TBC1D9B: variants seen among roughly 807,000 people sequenced by gnomAD.
TBC1D9B encodes TBC1 domain family, member 9B (with GRAM domain).
A neutral mutation model predicts 121.1 loss-of-function variants in TBC1D9B; 87 were observed. The ratio of observed to expected loss-of-function variants is 0.72; its 90% confidence interval spans 0.60 to 0.86. The LOEUF (loss-of-function observed/expected upper bound fraction) is 0.86, where lower values mean the gene tolerates loss of function less well. TBC1D9B is among the 40% of genes least tolerant of loss of function. TBC1D9B has a pLI of 0.00. For missense variants in TBC1D9B, 1,540 were observed against 1,628.6 expected (o/e 0.95, Z 0.94); for synonymous variants, 668 against 670.1 (o/e 1.00, Z 0.05).
intron 3 of TBC1D9B, among the ~76,000 whole-genome samples, chr5:179,896,030 C>T (rs1313008087): frequency 6.6e-6 from 1 of 152,214 alleles, no homozygotes; most frequent in African/African-American, 2.4e-5. Context: ...AGAGATGACA[C>T]CGCACGCATC....
At chr5:179,886,187 AC>A (rs1760679725) in intron 7 of TBC1D9B, among the ~76,000 whole-genome samples, 1 of 151,962 alleles carries the variant, frequency 6.6e-6, no homozygotes, top group African/African-American at 2.4e-5. Context: ...ATTTCTACCC[AC>A]AGCCCTTATC....
rs2113598639 is a variant in TBC1D9B, at chr5:179,865,516, C to A, written c.2915-156G>T. The stretch of plus-strand genomic sequence containing the variant: ...TGGGAAGGTGGTCATGGGAAAAAAA[C>A]CCAGAACAGCCACAGGTTTTCCCTA... On this transcript the variant is annotated intron_variant, in intron 19 of 20. Transcript: ENST00000355235. This position sits in a 1 kb window ranked among gnomAD's most constrained non-coding sequence, Gnocchi z 5.1. 1 of 693,032 alleles carries A rather than the reference C, an allele frequency of 1.4e-6. No homozygotes were observed. The highest frequency in any genetic ancestry group is 2.5e-6 in the Non-Finnish European group (1 of 406,276). The allele number at this position is 693,032 out of a possible 1,614,324, so 42.9% of individuals were successfully genotyped here.
intron 6 of TBC1D9B, among the ~76,000 whole-genome samples, chr5:179,889,373 G>A (rs1395146906): frequency 6.6e-6 from 1 of 152,134 alleles, no homozygotes; most frequent in Admixed American, 6.5e-5. Context: ...TCCATGGGGT[G>A]TGCCTGGGCG....
Position 179,867,846 on chromosome 5 carries a change from A to AG in TBC1D9B, c.2794dup (p.Leu932ProfsTer37), listed in dbSNP as rs1030480091. On this transcript the variant is annotated frameshift_variant, in exon 18 of 21. Coordinates refer to ENST00000355235, the MANE Select transcript of TBC1D9B (RefSeq NM_015043.4). LOFTEE classifies it high-confidence loss of function. Reference sequence around the variant, plus strand: ...GGCTGACTCGGCTTCCTCTGGGCTCAGAGCTGTGCTTGGAGAGAAGGCAGA... The same window carrying AG: ...GGCTGACTCGGCTTCCTCTGGGCTCAGGAGCTGTGCTTGGAGAGAAGGCAGA... 2.0e-6 allele frequency: 3 copies of AG among 1,517,670 alleles called. No homozygotes were observed. In the African/African-American group the frequency reaches 4.2e-5, roughly 21 times the overall value. The allele number at this position is 1,517,670 out of a possible 1,614,324, so 94.0% of individuals were successfully genotyped here. A position where few individuals can be genotyped will look rare whatever the true frequency, so the allele number is the denominator to read the frequency against.
chr5:179,871,780 C>G, intron 14 of TBC1D9B: 1 of 396,542 alleles, frequency 2.5e-6, no homozygotes, highest in Non-Finnish European at 4.7e-6. Flanking sequence ...CTCTCTCACA[C>G]TCCGGGCCCC....
intron 14 of TBC1D9B, 75 bp from the exon 15 acceptor site, chr5:179,871,605 C>A (rs1051957739): frequency 1.3e-6 from 2 of 1,505,896 alleles, no homozygotes; most frequent in East Asian, 2.3e-5. Context: ...TCTGTGAGAG[C>A]ATCCTCGGCA....
intron 15 of TBC1D9B, 152 bp downstream of exon 15, chr5:179,871,310 C>A (rs1760190155): frequency 1.4e-6 from 1 of 725,004 alleles, no homozygotes; most frequent in Non-Finnish European, 2.2e-6. Flanking sequence ...TTCATGGCAA[C>A]TGCATCTGAG....
At chr5:179,889,455 A>G (rs1318228007) in intron 6 of TBC1D9B, among the ~76,000 whole-genome samples, 1 of 151,846 alleles carries the variant, frequency 6.6e-6, no homozygotes, top group Non-Finnish European at 1.5e-5. Context: ...AGGCGCACAG[A>G]AGGTCTCACA....
rs372876819 is a variant in TBC1D9B at position 179,863,716 on chromosome 5, G to A, written c.3434C>T (p.Thr1145Met). The change falls in exon 21 of 21, where the codon ACG (threonine) becomes ATG (methionine). Residue 1145 changes from threonine (T) to methionine (M), a missense_variant. Thr to Met is a moderately conservative substitution (Grantham distance 81). Coordinates refer to ENST00000355235, the MANE Select transcript of TBC1D9B (RefSeq NM_015043.4). This position sits in a 1 kb window ranked among gnomAD's most constrained non-coding sequence, Gnocchi z 4.5. ...MSMSSYSVVSTGSLQCEDLAD... is the reference protein window; with the variant it reads ...MSMSSYSVVSMGSLQCEDLAD... Reference sequence around the variant, plus strand: ...AAGGTCTTCACATTGCAGGGAGCCCGTGCTGACCACCGAGTAGGAGGACAT... The same window carrying A: ...AAGGTCTTCACATTGCAGGGAGCCCATGCTGACCACCGAGTAGGAGGACAT... 32 of 1,613,440 alleles carry A rather than the reference G, an allele frequency of 2.0e-5. No homozygotes were observed. The highest frequency in any genetic ancestry group is 1.5e-4 in the Admixed American group (9 of 60,004).
rs1420982764 is a variant in TBC1D9B, at chr5:179,899,323, T to A, written c.230-16A>T. 3 of 1,608,106 alleles carry A rather than the reference T, an allele frequency of 1.9e-6. No homozygotes were observed. In the African/African-American group the frequency reaches 4.0e-5, roughly 22 times the overall value. ...CGGGAAGAACCTAGAAGAGGTTTGG[T>A]AAAGTAAAAGAAAAATCATGAATTC... On this transcript the variant is annotated splice_polypyrimidine_tract_variant and intron_variant, in intron 2 of 20. Transcript: ENST00000355235.
At chr5:179,880,917 A>G (rs551155949) in intron 7 of TBC1D9B, among the ~76,000 whole-genome samples, 1 of 151,972 alleles carries the variant, frequency 6.6e-6, no homozygotes, top group Non-Finnish European at 1.5e-5. Flanking sequence ...CCTGCTTCCC[A>G]CCTGAGCTCC....
rs1760834329 is a variant in TBC1D9B at position 179,890,597 on chromosome 5, C to A, written c.1044+782G>T. ...CTCCCACACCTATTCTCAGCTACAT[C>A]TGCAACTTGAGGGATTTGTGCAAAT... On this transcript the variant is annotated intron_variant, in intron 6 of 20. Coordinates refer to ENST00000355235, the MANE Select transcript of TBC1D9B (RefSeq NM_015043.4). The surrounding 1 kb of genome is among the most constrained non-coding windows in gnomAD (Gnocchi z 5.0). 6.6e-6 allele frequency among the ~76,000 whole-genome samples: 1 copy of A among 152,220 alleles called. No homozygotes were observed. The highest frequency in any genetic ancestry group is 2.4e-5 in the African/African-American group (1 of 41,446).
Position 179,879,794 on chromosome 5 carries a change from A to G in TBC1D9B, c.1255-5T>C. The G allele has an allele frequency of 1.2e-6, 2 of 1,606,530 alleles. No individual in the cohort carries two copies. Among genetic ancestry groups the G allele is most frequent in the Non-Finnish European group, 1.7e-6 (2 of 1,176,418 alleles). On this transcript the variant is annotated splice_polypyrimidine_tract_variant and splice_region_variant and intron_variant, in intron 7 of 20. Transcript: ENST00000355235. The stretch of plus-strand genomic sequence containing the variant: ...CTCCTGAGGAGCTGGGGAAGACTAG[A>G]AAATAAAACAGGGAAGGGGACGCCC...
At chr5:179,895,149 C>A (rs999411043) in intron 3 of TBC1D9B, among the ~76,000 whole-genome samples, 1 of 152,206 alleles carries the variant, frequency 6.6e-6, no homozygotes, top group East Asian at 1.9e-4. Context: ...GTGTGAACCA[C>A]TGTGTCTGGC....
chr5:179,894,691 G>C, intron 3 of TBC1D9B, 77 bp from the exon 4 acceptor site: 2 of 1,486,934 alleles, frequency 1.3e-6, no homozygotes, highest in Non-Finnish European at 9.3e-7. Flanking sequence ...AGAGGCCCAG[G>C]GAACCCAGGA....
At chr5:179,889,679 C>G (rs1475295793) in intron 6 of TBC1D9B, among the ~76,000 whole-genome samples, 1 of 151,870 alleles carries the variant, frequency 6.6e-6, no homozygotes, top group Non-Finnish European at 1.5e-5. Context: ...TGAGACCAGC[C>G]TGGGCAACAT....
At position 179,894,155 on chromosome 5, in the gene TBC1D9B, C is replaced by G. The variant is rs113388717; in HGVS notation, c.577+231G>C. 2.6e-3 allele frequency among the ~76,000 whole-genome samples: 395 copies of G among 152,272 alleles called. 1 individual carries two copies. The highest frequency in any genetic ancestry group is 9.0e-3 in the African/African-American group (372 of 41,550). On this transcript the variant is annotated intron_variant, in intron 4 of 20. Coordinates refer to ENST00000355235, the MANE Select transcript of TBC1D9B (RefSeq NM_015043.4). ...AGCAGAAGAGGGCAGGGCAGGCACGCGGAGTCACCATGTAGAGAACCCTAC... is the reference window on the plus strand; with the variant it reads ...AGCAGAAGAGGGCAGGGCAGGCACGGGGAGTCACCATGTAGAGAACCCTAC...
intron 4 of TBC1D9B, 57 bp downstream of exon 4, chr5:179,894,329 G>A (rs767776071): frequency 8.7e-6 from 13 of 1,498,186 alleles, no homozygotes; most frequent in East Asian, 2.4e-5. Flanking sequence ...TCTGGGGGCC[G>A]AAGGCAGGGA....
chr5:179,905,313 C>A (rs994966334), intron 1 of TBC1D9B, among the ~76,000 whole-genome samples: 4 of 152,202 alleles, frequency 2.6e-5, no homozygotes, highest in Non-Finnish European at 5.9e-5. Flanking sequence ...CTCATCGCTT[C>A]TTCACACACA....
Sources: allele counts gnomAD v4.1 joint callset (sites outside exome capture counted in the v4.1 genomes callset), GRCh38; gene constraint gnomAD v4.1.1; non-coding constraint Gnocchi (gnomAD v3.1); transcripts MANE v1.5; gene names NCBI Gene and HGNC (gene_info 2026-07-23, HGNC 2026-07-21).